NBEA: variants seen among roughly 807,000 people sequenced by gnomAD.
NBEA encodes neurobeachin, also known as lysosomal-trafficking regulator 2.
In NBEA, 44 loss-of-function variants were observed where a neutral mutation model predicts 343.4. The observed-to-expected ratio is 0.13, with a 90% CI of 0.10 to 0.16. The LOEUF (loss-of-function observed/expected upper bound fraction) is 0.16. Among genes scored for constraint, NBEA ranks in the 10% least tolerant of loss-of-function variants. The pLI, the probability that NBEA is intolerant of heterozygous loss-of-function variation, is 1.00. For missense variants in NBEA, 2,555 were observed against 3,631.3 expected, an observed-to-expected ratio of 0.70 and a Z score of 7.62; for synonymous variants, 1,175 against 1,238.7, an observed-to-expected ratio of 0.95 and a Z score of 1.08.
At chr13:34,992,645 T>A (rs1050986250) in intron 1 of NBEA, among the ~76,000 whole-genome samples, 3 of 151,886 alleles carry the variant, frequency 2.0e-5, no homozygotes, top group Non-Finnish European at 4.4e-5. Flanking sequence ...TCTTGCTTTT[T>A]TTAAGGTAAA....
chr13:34,943,084 C>T lies in NBEA; in HGVS notation c.264C>T (p.Asn88=). ...IGLIQVGEVS[N]RDIVETVLNL... ...TCATACAGGTCGGAGAGGTCAGCAA[C>T]AGGGACATCGTGGAGACGGTGCTCA... Residue 88 remains asparagine, a synonymous_variant, in exon 1 of 59, where the codon AAC becomes AAT. Transcript: ENST00000379939. 6.2e-7 allele frequency: 1 copy of T among 1,613,706 alleles called. No homozygotes were observed. Among genetic ancestry groups the T allele is most frequent in the African/African-American group, 1.3e-5 (1 of 75,004 alleles).
At chr13:35,049,800 C>A (rs1443894243) in intron 5 of NBEA, among the ~76,000 whole-genome samples, 2 of 151,640 alleles carry the variant, frequency 1.3e-5, no homozygotes, top group Admixed American at 6.6e-5. Flanking sequence ...AAATGTACTG[C>A]TTTGCTTGAT....
chr13:35,594,907 AT>A (rs1340135137), intron 47 of NBEA, among the ~76,000 whole-genome samples: 1 of 151,346 alleles, frequency 6.6e-6, no homozygotes, highest in East Asian at 1.9e-4. Flanking sequence ...ATATCAGCCT[AT>A]TTCAAATGAA....
intron 1 of NBEA, among the ~76,000 whole-genome samples, chr13:34,976,077 C>G (rs945217171): frequency 1.3e-5 from 2 of 152,186 alleles, no homozygotes; most frequent in African/African-American, 4.8e-5. Flanking sequence ...TACTACGTAT[C>G]TACCCAGAGG....
At chr13:35,506,901 T>A (rs1053018542) in intron 41 of NBEA, among the ~76,000 whole-genome samples, 1 of 152,148 alleles carries the variant, frequency 6.6e-6, no homozygotes, top group Admixed American at 6.5e-5. Context: ...TTCTTGAACA[T>A]CCCTTTTAAT....
At chr13:35,421,035 T>G (rs2044239607) in intron 38 of NBEA, among the ~76,000 whole-genome samples, 1 of 151,996 alleles carries the variant, frequency 6.6e-6, no homozygotes, top group South Asian at 2.1e-4. Context: ...GTTTCCTTTC[T>G]TCTACTTGCC....
chr13:35,339,841 T>G (rs1442590392), intron 36 of NBEA, among the ~76,000 whole-genome samples: 2 of 152,054 alleles, frequency 1.3e-5, no homozygotes, highest in Admixed American at 1.3e-4. Context: ...AAACCATTCA[T>G]GAGAAACCAC....
chr13:35,053,182 G>A (rs2063125711), intron 6 of NBEA, among the ~76,000 whole-genome samples: 1 of 152,002 alleles, frequency 6.6e-6, no homozygotes, highest in Admixed American at 6.6e-5. Flanking sequence ...GGAGCAGATC[G>A]TTTCACTTTC....
intron 37 of NBEA, among the ~76,000 whole-genome samples, chr13:35,350,810 AT>A (rs1173669863): frequency 6.6e-5 from 10 of 150,704 alleles, no homozygotes; most frequent in African/African-American, 2.4e-4. Context: ...ATTGTAAAAG[AT>A]TTTACAAGTC....
chr13:35,639,479 A>G (rs1263617354), intron 49 of NBEA, among the ~76,000 whole-genome samples: 1 of 151,836 alleles, frequency 6.6e-6, no homozygotes, highest in Non-Finnish European at 1.5e-5. Flanking sequence ...TTTTTTTCCT[A>G]TTTGGCATTG....
At chr13:35,017,299 A>G (rs997262122) in intron 1 of NBEA, among the ~76,000 whole-genome samples, 5 of 152,154 alleles carry the variant, frequency 3.3e-5, no homozygotes, top group Non-Finnish European at 7.4e-5. Context: ...AAATGCATAA[A>G]CCTATGTTTT....
intron 46 of NBEA, among the ~76,000 whole-genome samples, chr13:35,590,040 GA>G (rs1387687539): frequency 6.6e-6 from 1 of 152,052 alleles, no homozygotes; most frequent in Non-Finnish European, 1.5e-5. Context: ...ATATAATGGT[GA>G]AATGTCCAAT....
At chr13:35,267,604 T>G (rs904806079) in intron 34 of NBEA, among the ~76,000 whole-genome samples, 3 of 151,716 alleles carry the variant, frequency 2.0e-5, no homozygotes, top group African/African-American at 7.3e-5. Flanking sequence ...AAATCTTTTA[T>G]CTAATAAGGG....
chr13:35,412,983 T>G (rs894671549), intron 38 of NBEA, among the ~76,000 whole-genome samples: 1 of 152,272 alleles, frequency 6.6e-6, no homozygotes, highest in African/African-American at 2.4e-5. Flanking sequence ...AGTAGATATG[T>G]GTACAATATT....
At chr13:35,036,360 G>A (rs1354983811) in intron 1 of NBEA, among the ~76,000 whole-genome samples, 3 of 151,988 alleles carry the variant, frequency 2.0e-5, no homozygotes, top group Non-Finnish European at 4.4e-5. Context: ...CCTATGTCTT[G>A]AAAAGTAGTT....
intron 33 of NBEA, among the ~76,000 whole-genome samples, chr13:35,219,930 C>T (rs1308230714): frequency 6.6e-6 from 1 of 152,112 alleles, no homozygotes; most frequent in Non-Finnish European, 1.5e-5. Context: ...TCAATAGATA[C>T]CCTCACAGTC....
intron 41 of NBEA, among the ~76,000 whole-genome samples, chr13:35,546,322 G>A (rs748706072): frequency 1.3e-5 from 2 of 152,064 alleles, no homozygotes; most frequent in Non-Finnish European, 2.9e-5. Context: ...AAAATTAGCT[G>A]GTTTTGGTGG....
intron 31 of NBEA, among the ~76,000 whole-genome samples, chr13:35,203,518 T>G (rs1336919377): frequency 6.6e-6 from 1 of 152,210 alleles, no homozygotes; most frequent in African/African-American, 2.4e-5. Flanking sequence ...GTTACTGTAT[T>G]TGCTATATCT....
chr13:35,454,627 G>A (rs905873987), intron 40 of NBEA, among the ~76,000 whole-genome samples: 6 of 152,166 alleles, frequency 3.9e-5, no homozygotes, highest in Middle Eastern at 3.4e-3. Flanking sequence ...TTGGGAGGCC[G>A]AGGTAGGCAG....
Sources: gnomAD v4.1 joint callset for allele counts (sites outside exome capture counted in the v4.1 genomes callset) on GRCh38, gnomAD v4.1.1 for gene constraint, MANE v1.5 for transcripts, NCBI Gene and HGNC (gene_info 2026-07-23, HGNC 2026-07-21) for gene names.